Variants in CDH4 observed in about 807,000 individuals in gnomAD.
The protein encoded by CDH4 is cadherin-4.
Under a neutral mutation model 86.0 loss-of-function variants are expected in CDH4, and 33 were observed. The ratio of observed to expected loss-of-function variants is 0.38; its 90% CI spans 0.29 to 0.51. The LOEUF (loss-of-function observed/expected upper bound fraction) is 0.51. CDH4 is among the 20% of genes least tolerant of loss of function. CDH4 has a pLI of 0.86. For synonymous variants in CDH4, 555 were observed against 549.4 expected (o/e 1.01, Z -0.14); for missense variants, 1,114 against 1,307.4 (o/e 0.85, Z 2.28).
chr20:61,920,083 T>C (rs1395318700), intron 9 of CDH4, among the ~76,000 whole-genome samples: 1 of 113,956 alleles, frequency 8.8e-6, no homozygotes, highest in Non-Finnish European at 1.8e-5. Flanking sequence ...GGTGTCACGG[T>C]GATTGCGTGG....
At chr20:61,899,995 C>A (rs368507193) in intron 8 of CDH4, among the ~76,000 whole-genome samples, 127 of 152,312 alleles carry the variant, frequency 8.3e-4, no homozygotes, top group African/African-American at 2.9e-3. Context: ...TGGAAGTTCC[C>A]TCCCCAAGCC....
At chr20:61,873,999 G>T (rs781421861) in intron 7 of CDH4, 99 bp downstream of exon 7, 182 of 1,317,650 alleles carry the variant, frequency 1.4e-4, no homozygotes, top group Non-Finnish European at 1.7e-4. Context: ...CGCCGTCGGG[G>T]AGTGATCGAC....
intron 2 of CDH4, among the ~76,000 whole-genome samples, chr20:61,688,174 G>A (rs1343991550): frequency 6.6e-6 from 1 of 152,042 alleles, no homozygotes; most frequent in Non-Finnish European, 1.5e-5. Flanking sequence ...TCAATGTTAG[G>A]GGTGACGTCG....
intron 9 of CDH4, among the ~76,000 whole-genome samples, chr20:61,914,683 A>G (rs940145726): frequency 6.6e-6 from 1 of 152,136 alleles, no homozygotes. Flanking sequence ...CCACCAGAGC[A>G]ACAGAAACTA....
chr20:61,932,378 C>T (rs112630448), intron 13 of CDH4, among the ~76,000 whole-genome samples: 1,796 of 152,314 alleles, frequency 0.012, 31 homozygotes, highest in South Asian at 0.077. Context: ...TGAGCCAGTG[C>T]GGCTGTGCCT....
chr20:61,892,543 A>T (rs1984870051), intron 7 of CDH4, among the ~76,000 whole-genome samples: 1 of 152,154 alleles, frequency 6.6e-6, no homozygotes, highest in African/African-American at 2.4e-5. Context: ...AGAGAATTCC[A>T]TGGGAAAGGG....
At chr20:61,365,020 C>T (rs1255222970) in intron 2 of CDH4, among the ~76,000 whole-genome samples, 1 of 152,190 alleles carries the variant, frequency 6.6e-6, no homozygotes, top group Non-Finnish European at 1.5e-5. Context: ...CCACATGTAC[C>T]AAACTTGGCC....
intron 2 of CDH4, among the ~76,000 whole-genome samples, chr20:61,291,737 T>G (rs1043047931): frequency 1.3e-5 from 2 of 152,186 alleles, no homozygotes; most frequent in Non-Finnish European, 1.5e-5. Flanking sequence ...CGGTTTCCAT[T>G]ATCTTTTTTT....
chr20:61,588,218 T>C (rs2086492642), intron 2 of CDH4, among the ~76,000 whole-genome samples: 1 of 152,166 alleles, frequency 6.6e-6, no homozygotes. Context: ...GAACTGGGAT[T>C]TGTAGACTGG....
intron 2 of CDH4, among the ~76,000 whole-genome samples, chr20:61,351,109 G>A (rs1012663681): frequency 1.3e-5 from 2 of 152,176 alleles, no homozygotes; most frequent in Non-Finnish European, 2.9e-5. Flanking sequence ...CTCAAGGCCT[G>A]CTGTCCTCCG....
chr20:61,674,176 A>G (rs1341089868), intron 2 of CDH4, among the ~76,000 whole-genome samples: 1 of 152,110 alleles, frequency 6.6e-6, no homozygotes, highest in Non-Finnish European at 1.5e-5. Context: ...CCAGCACAGC[A>G]CACGCAAGGA....
chr20:61,510,894 G>T lies in CDH4; in HGVS notation c.170-232669G>T, dbSNP rs887591835. Among the ~76,000 whole-genome samples, 3 of 151,790 alleles carry T rather than the reference G, an allele frequency of 2.0e-5. No homozygotes were observed. Among genetic ancestry groups the T allele is most frequent in the African/African-American group, 7.3e-5 (3 of 41,280 alleles). On this transcript the variant is annotated intron_variant, in intron 2 of 15. Transcript: ENST00000614565. This position sits in a 1 kb window ranked among gnomAD's most constrained non-coding sequence, Gnocchi z 4.2. ...GCCTCAGGAAGCTGACAATGGTGGG[G>T]GAAGGTGAGGGGGTGGGGACAGACA...
intron 2 of CDH4, among the ~76,000 whole-genome samples, chr20:61,435,193 CAG>C (rs1257225649): frequency 2.0e-5 from 3 of 152,216 alleles, no homozygotes; most frequent in African/African-American, 7.2e-5. Context: ...TCCGTAGTAA[CAG>C]GGACTGACTG....
chr20:61,653,721 C>A, intron 2 of CDH4, among the ~76,000 whole-genome samples: 1 of 114,306 alleles, frequency 8.7e-6, no homozygotes. Flanking sequence ...CGCAGCCGGG[C>A]AGAGGCGCTC....
intron 2 of CDH4, among the ~76,000 whole-genome samples, chr20:61,460,791 C>G (rs930088702): frequency 1.3e-5 from 2 of 152,190 alleles, no homozygotes; most frequent in African/African-American, 4.8e-5. Context: ...GCAGGCCTCT[C>G]GAGAGCTGGG....
At chr20:61,771,566 G>A (rs1296523983) in intron 3 of CDH4, among the ~76,000 whole-genome samples, 1 of 149,464 alleles carries the variant, frequency 6.7e-6, no homozygotes, top group Admixed American at 6.7e-5. Context: ...AGAGGTTGCA[G>A]TGAGCCAAGA....
At chr20:61,412,873 C>T (rs1439632647) in intron 2 of CDH4, among the ~76,000 whole-genome samples, 1 of 152,222 alleles carries the variant, frequency 6.6e-6, no homozygotes, top group Non-Finnish European at 1.5e-5. Context: ...CACTAAACCC[C>T]AGGGTCAAGC....
chr20:61,359,338 G>A (rs28522609), intron 2 of CDH4, among the ~76,000 whole-genome samples: 64,146 of 151,974 alleles, frequency 0.42, 14,542 homozygotes, highest in Middle Eastern at 0.62. Context: ...GTGGCCATGC[G>A]CCTGTGTGCG....
chr20:61,397,718 G>T (rs532950214), intron 2 of CDH4, among the ~76,000 whole-genome samples: 1 of 152,132 alleles, frequency 6.6e-6, no homozygotes, highest in Non-Finnish European at 1.5e-5. Context: ...TCCTGAGCAG[G>T]GTCCCCTGTC....
Sources: allele counts gnomAD v4.1 joint callset (sites outside exome capture counted in the v4.1 genomes callset), GRCh38; gene constraint gnomAD v4.1.1; non-coding constraint Gnocchi (gnomAD v3.1); transcripts MANE v1.5; gene names NCBI Gene and HGNC (gene_info 2026-07-23, HGNC 2026-07-21).